The following ZNF789 variants were observed in gnomAD, a reference collection of about 807,000 sequenced individuals.
The protein encoded by ZNF789 is zinc finger protein 789.
ZNF789 carries 11 observed loss-of-function variants against 15.6 expected under a neutral mutation model. That is an observed-to-expected ratio of 0.70 (90% CI 0.44 to 1.16). The LOEUF (loss-of-function observed/expected upper bound fraction) is 1.16. ZNF789 is among the 50% of genes most tolerant of loss of function. The probability of loss-of-function intolerance (pLI) is 0.00; values close to 1 mark genes in which losing one functional copy is unlikely to be tolerated. For missense variants in ZNF789, 461 were observed against 512.6 expected, an observed-to-expected ratio of 0.90 and a Z score of 0.97; for synonymous variants, 159 against 176.0, an observed-to-expected ratio of 0.90 and a Z score of 0.76.
In ZNF789 at chr7:99,486,921, C is replaced by T; in HGVS notation, c.711C>T (p.Ala237=). ...NPFECKVCGQ[A]FRQRSALTVH... is the part of the protein sequence containing the mutation. ...TTGAGTGTAAGGTCTGTGGGCAAGC[C>T]TTCAGACAGCGGTCAGCTCTTACGG... is the stretch of plus-strand genomic sequence containing the variant. Residue 237 remains alanine, a synonymous_variant, in exon 5 of 5, where the codon GCC becomes GCT. Transcript: ENST00000331410. 1 of 1,614,174 alleles carries T rather than the reference C, an allele frequency of 6.2e-7. No individual in the cohort carries two copies. The highest frequency in any genetic ancestry group is 8.5e-7 in the Non-Finnish European group (1 of 1,180,050).
intron 2 of ZNF789, among the ~76,000 whole-genome samples, chr7:99,478,049 G>A (rs1221571885): frequency 6.6e-6 from 1 of 152,176 alleles, no homozygotes; most frequent in Non-Finnish European, 1.5e-5. Context: ...CTGTTGATGG[G>A]TTCTTGGAAA....
chr7:99,487,320 A>C lies in ZNF789; in HGVS notation c.1110A>C (p.Gln370His). Residue 370 changes from glutamine to histidine, a missense_variant, in exon 5 of 5, where the codon CAA (glutamine) becomes CAC (histidine). Physicochemically the swap from Gln to His is conservative, Grantham distance 24. Transcript: ENST00000331410. ...QRIHTKEEFF[Q>H]CGECGKTFSF... is the part of the protein sequence containing the mutation. ...TCCATACAAAGGAGGAATTCTTTCAATGTGGAGAATGTGGGAAAACGTTTA... is the reference window on the plus strand; with the variant it reads ...TCCATACAAAGGAGGAATTCTTTCACTGTGGAGAATGTGGGAAAACGTTTA... 3 of 1,614,232 alleles carry C rather than the reference A, an allele frequency of 1.9e-6. No individual in the cohort carries two copies. The highest frequency in any genetic ancestry group is 2.5e-6 in the Non-Finnish European group (3 of 1,180,038).
chr7:99,486,519 G>A lies in ZNF789; in HGVS notation c.309G>A (p.Gln103=). 7 of 1,613,132 alleles carry A rather than the reference G, an allele frequency of 4.3e-6. No individual in the cohort carries two copies. Among genetic ancestry groups the A allele is most frequent in the Non-Finnish European group, 5.9e-6 (7 of 1,179,744 alleles). The change falls in exon 5 of 5, where the codon CAG becomes CAA. Residue 103 remains glutamine (Q), a synonymous_variant. Coordinates refer to ENST00000331410, the MANE Select transcript of ZNF789 (RefSeq NM_213603.3). ...AGATGAAAAAGCTAACTCCAAAACA[G>A]AAATTTTCTGAAGATTTAGAGTCAT... ...RHKMKKLTPK[Q]KFSEDLESYK...
rs1304088967 is a variant in ZNF789, at chr7:99,487,008, T to A, written c.798T>A (p.Phe266Leu). The A allele has an allele frequency of 1.2e-6, 2 of 1,613,992 alleles. No homozygotes were observed. Among genetic ancestry groups the A allele is most frequent in the African/African-American group, 1.3e-5 (1 of 74,932 alleles). The change falls in exon 5 of 5, where the codon TTT (phenylalanine) becomes TTA (leucine). Residue 266 changes from phenylalanine (F) to leucine (L), a missense_variant. Transcript: ENST00000331410. ...PYRCHDCGKC[F>L]RQLAYLVEHK... ...GATGTCATGACTGTGGAAAGTGTTT[T>A]CGGCAGCTCGCGTATCTTGTTGAAC...
intron 2 of ZNF789, chr7:99,478,222 T>G (rs1043195553): frequency 8.1e-7 from 1 of 1,235,018 alleles, no homozygotes. Flanking sequence ...CATGCCACAA[T>G]GACTCTGGGA....
chr7:99,481,911 T>C (rs1799651331), intron 3 of ZNF789: 1 of 459,638 alleles, frequency 2.2e-6, no homozygotes, highest in East Asian at 3.6e-5. Context: ...ACTCTTGTTA[T>C]TAACATTTTG....
rs138784256 is a variant in ZNF789, at chr7:99,486,211, G to A, written c.266-265G>A. ...CTGGCATCTGTAATCCCAGCTACTC[G>A]GGAGGCTGAGGCAGGGGAATCACTT... On this transcript the variant is annotated intron_variant, in intron 4 of 4. Transcript: ENST00000331410. Among the ~76,000 whole-genome samples, 814 of 152,142 alleles carry A rather than the reference G, an allele frequency of 5.4e-3. 5 individuals are homozygous for A. Among genetic ancestry groups the A allele is most frequent in the African/African-American group, 0.019 (776 of 41,510 alleles).
At position 99,487,030 on chromosome 7, in the gene ZNF789, G is replaced by C; in HGVS notation, c.820G>C (p.Glu274Gln). 1 of 1,614,010 alleles carries C rather than the reference G, an allele frequency of 6.2e-7. No individual in the cohort carries two copies. The highest frequency in any genetic ancestry group is 8.5e-7 in the Non-Finnish European group (1 of 1,180,028). The change falls in exon 5 of 5, where the codon GAA becomes CAA. Residue 274 changes from glutamate (E) to glutamine (Q), a missense_variant. Physicochemically the swap from Glu to Gln is conservative, Grantham distance 29. Coordinates refer to ENST00000331410, the MANE Select transcript of ZNF789 (RefSeq NM_213603.3). ...TTTTCGGCAGCTCGCGTATCTTGTT[G>C]AACATAAGAGGATTCACACCAAAGA... ...KCFRQLAYLV[E>Q]HKRIHTKEKP... is the part of the protein sequence containing the mutation.
chr7:99,486,106 T>A (rs1381391350), intron 4 of ZNF789, among the ~76,000 whole-genome samples: 2 of 151,680 alleles, frequency 1.3e-5, no homozygotes, highest in Non-Finnish European at 2.9e-5. Flanking sequence ...TCACCTGAGG[T>A]CAGGGGTTCG....
At chr7:99,484,242 G>A (rs1487041841) in intron 4 of ZNF789, 99 bp downstream of exon 4, 1 of 881,808 alleles carries the variant, frequency 1.1e-6, no homozygotes, top group Non-Finnish European at 1.8e-6. Context: ...GCCAGGTGCT[G>A]GGCATATATT....
At chr7:99,483,281 G>T (rs1799743650) in intron 3 of ZNF789, among the ~76,000 whole-genome samples, 1 of 151,686 alleles carries the variant, frequency 6.6e-6, no homozygotes, top group African/African-American at 2.4e-5. Flanking sequence ...AGCCGGGTGG[G>T]GGCGACAGAG....
intron 3 of ZNF789, among the ~76,000 whole-genome samples, chr7:99,483,156 G>A (rs1012382798): frequency 6.6e-5 from 10 of 151,980 alleles, no homozygotes; most frequent in African/African-American, 9.7e-5. Context: ...ACTTGAACCC[G>A]GGAGGCGGAG....
At chr7:99,483,928 A>G in intron 3 of ZNF789, 102 bp from the exon 4 acceptor site, 2 of 904,206 alleles carry the variant, frequency 2.2e-6, no homozygotes, top group Non-Finnish European at 3.8e-6. Context: ...TATTCTCACC[A>G]CCGCTTTTGA....
chr7:99,481,168 C>G (rs763318941), intron 3 of ZNF789: 1 of 152,162 alleles, frequency 6.6e-6, no homozygotes, highest in African/African-American at 2.4e-5. Flanking sequence ...AATCAGTAAA[C>G]GAGCATAATA....
intron 2 of ZNF789, chr7:99,478,287 G>A (rs1013218085): frequency 1.6e-6 from 2 of 1,289,482 alleles, no homozygotes; most frequent in Non-Finnish European, 2.0e-6. Context: ...CGGGAATGCA[G>A]ATGGCTGAGT....
chr7:99,481,940 C>T (rs1211776223), intron 3 of ZNF789: 7 of 493,492 alleles, frequency 1.4e-5, no homozygotes, highest in South Asian at 9.6e-5. Flanking sequence ...TTTCCCAGTC[C>T]GTCTATGTGT....
intron 2 of ZNF789, chr7:99,478,737 T>A (rs940194309): frequency 5.4e-5 from 13 of 242,516 alleles, no homozygotes; most frequent in African/African-American, 2.7e-4. Context: ...CTGTGCTGTG[T>A]CCACTGTTGC....
chr7:99,473,867 C>G (rs187929248), intron 1 of ZNF789, among the ~76,000 whole-genome samples: 100 of 152,174 alleles, frequency 6.6e-4, no homozygotes, highest in African/African-American at 2.4e-3. Flanking sequence ...GATCCGCCCG[C>G]CTCGGCCTCC....
At chr7:99,483,664 A>G (rs1799761716) in intron 3 of ZNF789, 10 of 778,202 alleles carry the variant, frequency 1.3e-5, no homozygotes, top group East Asian at 2.4e-5. Context: ...AGGATTTTTA[A>G]TATCTGCCTA....
Sources: allele counts gnomAD v4.1 joint callset (sites outside exome capture counted in the v4.1 genomes callset), GRCh38; gene constraint gnomAD v4.1.1; transcripts MANE v1.5; gene names NCBI Gene and HGNC (gene_info 2026-07-23, HGNC 2026-07-21).